The following FER1L5 variants were observed in gnomAD, a reference collection of about 807,000 sequenced individuals.
The protein encoded by FER1L5 is fer-1 like family member 5.
Under a neutral mutation model 279.9 loss-of-function variants are expected in FER1L5, and 187 were observed. The ratio of observed to expected loss-of-function variants is 0.67; its 90% CI spans 0.59 to 0.75. The LOEUF (loss-of-function observed/expected upper bound fraction) is 0.75. FER1L5 is among the 30% of genes least tolerant of loss of function. FER1L5 has a pLI of 0.00. For synonymous variants in FER1L5, 921 were observed against 989.7 expected, an observed-to-expected ratio of 0.93 and a Z score of 1.30; for missense variants, 2,091 against 2,594.4, an observed-to-expected ratio of 0.81 and a Z score of 4.21.
chr2:96,667,704 C>T (rs1041462760), intron 14 of FER1L5, among the ~76,000 whole-genome samples: 3 of 152,146 alleles, frequency 2.0e-5, no homozygotes, highest in South Asian at 2.1e-4. Flanking sequence ...GATGGCTAGA[C>T]ATGATGAAGA....
intron 51 of FER1L5, 44 bp downstream of exon 51, chr2:96,703,676 C>CA (rs1488514732): frequency 6.3e-7 from 1 of 1,577,722 alleles, no homozygotes; most frequent in Admixed American, 1.7e-5. Flanking sequence ...TCTTGCTCCT[C>CA]AGTGTGTATG....
rs1353023093 is a variant in FER1L5, at chr2:96,649,638, C to T, written c.355C>T (p.Gln119Ter). ...TGTCTTGCAGTGTACTGTCACCCTA[C>T]AGGTGGCCCACATGAGCAACCAGGA... is the stretch of plus-strand genomic sequence containing the variant. The part of the protein sequence containing the change: ...MKPTDCTVTL[Q>*]VAHMSNQDIE... The change falls in exon 5 of 53, where the codon CAG becomes TAG. Residue 119 changes from glutamine (Q) to a stop codon, truncating the protein, a stop_gained. Transcript: ENST00000624922. LOFTEE classifies it high-confidence loss of function. The T allele has an allele frequency of 1.3e-6, 2 of 1,551,528 alleles. No homozygotes were observed. The highest frequency in any genetic ancestry group is 2.0e-5 in the Admixed American group (1 of 51,002).
chr2:96,697,746 C>T lies in FER1L5; in HGVS notation c.4221C>T (p.Asp1407=), dbSNP rs775643838. Residue 1407 remains aspartate (D), a synonymous_variant, in exon 39 of 53, where the codon GAC becomes GAT. Coordinates refer to ENST00000624922, the MANE Select transcript of FER1L5 (RefSeq NM_001293083.2). ...AGTCCCTGAAGTACAAGTACAAAGA[C>T]TACCACACCCTCAAGGTTTGAAGGA... The part of the protein sequence containing the change: ...EHKSLKYKYK[D]YHTLKVYECE... 1 of 1,614,012 alleles carries T rather than the reference C, an allele frequency of 6.2e-7. No homozygotes were observed. The highest frequency in any genetic ancestry group is 8.5e-7 in the Non-Finnish European group (1 of 1,179,874).
intron 19 of FER1L5, among the ~76,000 whole-genome samples, chr2:96,680,721 C>G (rs1487190637): frequency 6.6e-6 from 1 of 152,196 alleles, no homozygotes; most frequent in Non-Finnish European, 1.5e-5. Context: ...GAAAAGTACA[C>G]AAACCAAAGT....
rs1467659383 is a variant in FER1L5 at position 96,704,683 on chromosome 2, A to G, written c.6165A>G (p.Pro2055=). 22 of 1,613,738 alleles carry G rather than the reference A, an allele frequency of 1.4e-5. No individual in the cohort carries two copies. The highest frequency in any genetic ancestry group is 1.9e-5 in the Non-Finnish European group (22 of 1,179,768). ...LSDIFPELPA[P]GD Reference sequence around the variant, plus strand: ...ATATTTTCCCAGAACTTCCAGCCCCAGGAGACTAATTAGTCCATGCTGCCT... The same window carrying G: ...ATATTTTCCCAGAACTTCCAGCCCCGGGAGACTAATTAGTCCATGCTGCCT... Residue 2055 remains proline (P), a synonymous_variant, in exon 53 of 53, where the codon CCA becomes CCG. Coordinates refer to ENST00000624922, the MANE Select transcript of FER1L5 (RefSeq NM_001293083.2).
intron 45 of FER1L5, 74 bp downstream of exon 45, chr2:96,700,545 C>G: frequency 1.9e-6 from 3 of 1,592,748 alleles, no homozygotes; most frequent in Non-Finnish European, 2.6e-6. Flanking sequence ...CCTGTCCACC[C>G]AGGACATAGT....
chr2:96,676,425 C>T (rs909498358), intron 19 of FER1L5, among the ~76,000 whole-genome samples: 1 of 152,170 alleles, frequency 6.6e-6, no homozygotes, highest in Non-Finnish European at 1.5e-5. Flanking sequence ...CCTCAGCCTC[C>T]CAAAGTGCTG....
chr2:96,682,842 G>A (rs1006484505), intron 19 of FER1L5, among the ~76,000 whole-genome samples: 2 of 152,210 alleles, frequency 1.3e-5, no homozygotes, highest in African/African-American at 4.8e-5. Flanking sequence ...AGGACTACAG[G>A]TATGAGCCAC....
rs753459264 is a variant in FER1L5, at chr2:96,691,840, TACC to T, written c.3094_3096del (p.His1032del). On this transcript the variant is annotated inframe_deletion, in exon 30 of 53. Coordinates refer to ENST00000624922, the MANE Select transcript of FER1L5 (RefSeq NM_001293083.2). The surrounding 1 kb of genome is among the most constrained non-coding windows in gnomAD (Gnocchi z 6.0). The stretch of plus-strand genomic sequence containing the variant: ...CTGGGTACAGGCTATGGATCTGAAA[TACC>T]ACGCTGGGAAGGAAGAGGACAGCAA... 6.4e-7 allele frequency: 1 copy of T among 1,551,540 alleles called. No individual in the cohort carries two copies. The highest frequency in any genetic ancestry group is 1.2e-5 in the South Asian group (1 of 84,058).
chr2:96,689,797 C>T lies in FER1L5; in HGVS notation c.2640+39C>T. 6.7e-7 allele frequency: 1 copy of T among 1,483,166 alleles called. No homozygotes were observed. The highest frequency in any genetic ancestry group is 2.2e-5 in the Admixed American group (1 of 44,920). 91.9% of individuals were successfully genotyped at this position (1,483,166 alleles called of 1,614,324 possible). On this transcript the variant is annotated intron_variant, in intron 26 of 52. Transcript: ENST00000624922. The surrounding 1 kb of genome is among the most constrained non-coding windows in gnomAD (Gnocchi z 4.6). ...AAGCTGCCTCGGGTTAGGGGGCAAGCAAGGCCACCAGGCGGGGCGCCTTGG... is the reference window on the plus strand; with the variant it reads ...AAGCTGCCTCGGGTTAGGGGGCAAGTAAGGCCACCAGGCGGGGCGCCTTGG...
rs532541836 is a variant in FER1L5, at chr2:96,661,544, C to A, written c.894+104C>A. On this transcript the variant is annotated intron_variant, in intron 11 of 52. Transcript: ENST00000624922. ...GACCATCACATCTCTCCTTTGTCCG[C>A]TGCGTCACTGCAGGGTTGTCCCATC... 2.5e-5 allele frequency: 38 copies of A among 1,507,044 alleles called. No individual in the cohort carries two copies. In the South Asian group the frequency reaches 4.2e-4, roughly 17 times the overall value. The allele number at this position is 1,507,044 out of a possible 1,614,324, so 93.4% of individuals were successfully genotyped here. A position where few individuals can be genotyped will look rare whatever the true frequency, so the allele number is the denominator to read the frequency against.
At chr2:96,654,598 A>G (rs1464835377) in intron 9 of FER1L5, 102 bp downstream of exon 9, 1 of 394,638 alleles carries the variant, frequency 2.5e-6, no homozygotes. Flanking sequence ...TTGGATTTTC[A>G]CACAGAAAGA....
At position 96,691,906 on chromosome 2, in the gene FER1L5, C is replaced by T. The variant is rs1397374193; in HGVS notation, c.3157C>T (p.Pro1053Ser). The change falls in exon 30 of 53, where the codon CCC becomes TCC. Residue 1053 changes from proline to serine, a missense_variant. Transcript: ENST00000624922. The surrounding 1 kb of genome is among the most constrained non-coding windows in gnomAD (Gnocchi z 6.0). ...GGGTCTGGACAGACAGTTCAGGGAC[C>T]CCCAGAGGCAGGACACCCGGCCCCC... ...PWGLDRQFRD[P>S]QRQDTRPPNL... 28 of 1,551,288 alleles carry T rather than the reference C, an allele frequency of 1.8e-5. No individual in the cohort carries two copies. The East Asian group carries it at 2.2e-4, about 12-fold the overall frequency.
chr2:96,659,342 C>T (rs866543664), intron 9 of FER1L5, among the ~76,000 whole-genome samples: 1,504 of 80,792 alleles, frequency 0.019, 93 homozygotes, highest in South Asian at 0.1. Context: ...TCCTTCCTTC[C>T]TTCCTTCCTT....
At chr2:96,690,046 G>A (rs2077082532) in intron 26 of FER1L5, among the ~76,000 whole-genome samples, 1 of 152,194 alleles carries the variant, frequency 6.6e-6, no homozygotes, top group South Asian at 2.1e-4. Flanking sequence ...AATCTGCTTG[G>A]GGTAGGCTAA....
At chr2:96,651,056 C>A (rs549165919) in intron 6 of FER1L5, among the ~76,000 whole-genome samples, 1 of 152,308 alleles carries the variant, frequency 6.6e-6, no homozygotes, top group African/African-American at 2.4e-5. Context: ...TCATGCCAAG[C>A]ACCTTCTTCA....
chr2:96,695,761 C>T lies in FER1L5; in HGVS notation c.3914C>T (p.Ala1305Val), dbSNP rs749181564. The change falls in exon 36 of 53, where the codon GCC (alanine) becomes GTC (valine). Residue 1305 changes from alanine (A) to valine (V), a missense_variant. Transcript: ENST00000624922. ...TTGCAGCTCATGCCGACGGAGGAGG[C>T]CTATGCACTGCCCCTCGTGGTGAAG... is the stretch of plus-strand genomic sequence containing the variant. ...VLTVLMPTEE[A>V]YALPLVVKVV... 31 of 1,612,708 alleles carry T rather than the reference C, an allele frequency of 1.9e-5. No individual in the cohort carries two copies. The East Asian group carries it at 6.9e-4, about 36-fold the overall frequency.
chr2:96,689,588 G>A lies in FER1L5; in HGVS notation c.2526-56G>A. ...GGGAACGCTTGGCCAGCAGAAGACG[G>A]CCCTAGGGGCTGCTTGGGGAGTTGT... On this transcript the variant is annotated intron_variant, in intron 25 of 52. Coordinates refer to ENST00000624922, the MANE Select transcript of FER1L5 (RefSeq NM_001293083.2). The surrounding 1 kb of genome is among the most constrained non-coding windows in gnomAD (Gnocchi z 4.6). The A allele has an allele frequency of 1.3e-6, 2 of 1,496,162 alleles. No homozygotes were observed. Among genetic ancestry groups the A allele is most frequent in the South Asian group, 1.2e-5 (1 of 82,828 alleles). The allele number at this position is 1,496,162 out of a possible 1,614,324, so 92.7% of individuals were successfully genotyped here. A position where few individuals can be genotyped will look rare whatever the true frequency, so the allele number is the denominator to read the frequency against.
In FER1L5 at chr2:96,703,053, A is replaced by G. The variant is rs750110136; in HGVS notation, c.5473A>G (p.Ile1825Val). 2 of 1,613,664 alleles carry G rather than the reference A, an allele frequency of 1.2e-6. No homozygotes were observed. Among genetic ancestry groups the G allele is most frequent in the South Asian group, 1.1e-5 (1 of 90,996 alleles). The change falls in exon 49 of 53, where the codon ATC (isoleucine) becomes GTC (valine). Residue 1825 changes from isoleucine (I) to valine (V), a missense_variant. Physicochemically the swap from Ile to Val is conservative, Grantham distance 29. Transcript: ENST00000624922. ...RLIIQVWDND[I>V]FSPDDFLGVL... The stretch of plus-strand genomic sequence containing the variant: ...TATCATCCAGGTCTGGGACAATGAC[A>G]TCTTCTCCCCCGACGACTTCCTAGG...
Sources: gnomAD v4.1 joint callset for allele counts (sites outside exome capture counted in the v4.1 genomes callset) on GRCh38, gnomAD v4.1.1 for gene constraint, Gnocchi (gnomAD v3.1) non-coding constraint, MANE v1.5 for transcripts, NCBI Gene and HGNC (gene_info 2026-07-23, HGNC 2026-07-21) for gene names.